Variants in ROBO2 observed in about 807,000 individuals in gnomAD.
ROBO2 encodes the protein roundabout guidance receptor 2, also known as roundabout homolog 2.
In ROBO2, 53 loss-of-function variants were observed where a neutral mutation model predicts 160.8. That is an observed-to-expected ratio of 0.33 (90% confidence interval 0.26 to 0.41). The LOEUF (loss-of-function observed/expected upper bound fraction) is 0.41, where lower values mean the gene tolerates loss of function less well. Among genes scored for constraint, ROBO2 ranks in the 10% least tolerant of loss-of-function variants. The pLI is 1.00. For missense variants in ROBO2, 1,577 were observed against 1,722.4 expected (o/e 0.92, Z 1.49); for synonymous variants, 664 against 611.7 (o/e 1.09, Z -1.26).
intron 2 of ROBO2, among the ~76,000 whole-genome samples, chr3:76,063,811 T>G (rs2068148805): frequency 6.6e-6 from 1 of 152,210 alleles, no homozygotes; most frequent in Admixed American, 6.5e-5. Context: ...ACCCTACCTT[T>G]AAGTGGAATT....
chr3:76,582,859 C>T (rs1479762171), intron 2 of ROBO2, among the ~76,000 whole-genome samples: 2 of 151,934 alleles, frequency 1.3e-5, no homozygotes, highest in Non-Finnish European at 2.9e-5. Context: ...AACATGTGAA[C>T]CTATTTTGAG....
chr3:77,507,984 T>G (rs1213668532), intron 5 of ROBO2, among the ~76,000 whole-genome samples: 2 of 151,976 alleles, frequency 1.3e-5, no homozygotes, highest in Non-Finnish European at 2.9e-5. Context: ...TGTTGCATAT[T>G]AAGGACAATA....
intron 2 of ROBO2, among the ~76,000 whole-genome samples, chr3:77,012,579 T>A (rs1193522206): frequency 2.0e-5 from 3 of 152,172 alleles, no homozygotes; most frequent in Non-Finnish European, 4.4e-5. Flanking sequence ...AGATAACCAC[T>A]GGGTAAGTTA....
chr3:77,559,226 A>G (rs2093237473), intron 9 of ROBO2, among the ~76,000 whole-genome samples: 1 of 152,070 alleles, frequency 6.6e-6, no homozygotes, highest in African/African-American at 2.4e-5. Flanking sequence ...CTTTTGCAAT[A>G]TTATATTGGC....
At chr3:77,524,082 G>T (rs1040041253) in intron 6 of ROBO2, among the ~76,000 whole-genome samples, 18 of 151,080 alleles carry the variant, frequency 1.2e-4, no homozygotes, top group African/African-American at 3.6e-4. Context: ...TAGGAGACAG[G>T]CATTTTGGGT....
At chr3:76,100,203 T>A (rs2069626909) in intron 2 of ROBO2, among the ~76,000 whole-genome samples, 1 of 152,234 alleles carries the variant, frequency 6.6e-6, no homozygotes, top group Non-Finnish European at 1.5e-5. Context: ...ACTGAAGGGA[T>A]TGTGCTTCTT....
chr3:76,436,159 A>AACACACACACACACACATAC, intron 2 of ROBO2, among the ~76,000 whole-genome samples: 1 of 140,522 alleles, frequency 7.1e-6, no homozygotes, highest in South Asian at 2.3e-4. Flanking sequence ...TTAAAAGGAA[A>AACACACACACACACACATAC]ACACACACAC....
chr3:76,916,368 G>T (rs987270142), intron 2 of ROBO2, among the ~76,000 whole-genome samples: 32 of 152,092 alleles, frequency 2.1e-4, no homozygotes, highest in Admixed American at 2.1e-3. Context: ...TGGAGACAGG[G>T]TCTTGCTCTG....
intron 1 of ROBO2, among the ~76,000 whole-genome samples, chr3:77,096,138 G>A (rs982586654): frequency 5.9e-5 from 9 of 152,022 alleles, no homozygotes; most frequent in African/African-American, 2.2e-4. Flanking sequence ...AGTGAACTGA[G>A]GTAACATTGA....
intron 2 of ROBO2, among the ~76,000 whole-genome samples, chr3:76,119,916 C>CCCTCCCTCCCTCCCTCCCTTCCTT (rs1377854643): frequency 4.4e-4 from 39 of 88,174 alleles, no homozygotes; most frequent in East Asian, 2.4e-3. Flanking sequence ...TTCCCTCCCT[C>CCCTCCCTCCCTCCCTCCCTTCCTT]CCTTCCTTCC....
At chr3:77,289,957 C>T (rs1380846637) in intron 2 of ROBO2, among the ~76,000 whole-genome samples, 8 of 151,700 alleles carry the variant, frequency 5.3e-5, no homozygotes, top group Non-Finnish European at 8.8e-5. Flanking sequence ...GGCTAGATCA[C>T]CCCAGACATT....
chr3:77,640,148 A>C (rs1373302741), intron 24 of ROBO2, among the ~76,000 whole-genome samples: 2 of 109,804 alleles, frequency 1.8e-5, no homozygotes, highest in Non-Finnish European at 3.3e-5. Flanking sequence ...GTCTCGCTCT[A>C]TCCGCCAGGC....
intron 2 of ROBO2, among the ~76,000 whole-genome samples, chr3:76,107,755 C>T: frequency 6.6e-6 from 1 of 152,030 alleles, no homozygotes; most frequent in East Asian, 1.9e-4. Flanking sequence ...TTTTATGATA[C>T]CTGGTCACTA....
intron 2 of ROBO2, among the ~76,000 whole-genome samples, chr3:76,574,177 A>G (rs1413901032): frequency 6.6e-6 from 1 of 152,148 alleles, no homozygotes; most frequent in African/African-American, 2.4e-5. Flanking sequence ...AAACTATGAA[A>G]TAAACCAATT....
intron 2 of ROBO2, among the ~76,000 whole-genome samples, chr3:76,680,984 C>A (rs932661208): frequency 3.3e-5 from 5 of 152,032 alleles, no homozygotes; most frequent in Admixed American, 3.3e-4. Flanking sequence ...AGTATGTTGC[C>A]CAGGCTGGTC....
Position 77,576,155 on chromosome 3 carries a change from G to T in ROBO2, c.2204-1335G>T, listed in dbSNP as rs1407247005. Among the ~76,000 whole-genome samples, 4 of 152,218 alleles carry T rather than the reference G, an allele frequency of 2.6e-5. No homozygotes were observed. In the East Asian group the frequency reaches 7.7e-4, roughly 29 times the overall value. On this transcript the variant is annotated intron_variant, in intron 14 of 25. Transcript: ENST00000461745. Reference sequence around the variant, plus strand: ...CTACTTAATAACTACAAGGCTCGTAGACAAGTGGTTGGATTTATTCATCAT... The same window carrying T: ...CTACTTAATAACTACAAGGCTCGTATACAAGTGGTTGGATTTATTCATCAT...
chr3:76,691,054 TA>T (rs1220808672), intron 2 of ROBO2, among the ~76,000 whole-genome samples: 1 of 151,700 alleles, frequency 6.6e-6, no homozygotes, highest in Non-Finnish European at 1.5e-5. Context: ...GAGTTCTGTC[TA>T]AAAAAAAGAA....
At chr3:77,350,170 A>C (rs1411353148) in intron 2 of ROBO2, among the ~76,000 whole-genome samples, 2 of 151,614 alleles carry the variant, frequency 1.3e-5, no homozygotes, top group African/African-American at 4.8e-5. Flanking sequence ...GCACTTTGGG[A>C]GACTGAGGCA....
chr3:76,893,668 G>T (rs962532931), intron 2 of ROBO2, among the ~76,000 whole-genome samples: 1 of 151,862 alleles, frequency 6.6e-6, no homozygotes, highest in Admixed American at 6.6e-5. Flanking sequence ...TATGTGTTAG[G>T]AACAATTCAA....
Sources: allele counts gnomAD v4.1 joint callset (sites outside exome capture counted in the v4.1 genomes callset), GRCh38; gene constraint gnomAD v4.1.1; transcripts MANE v1.5; gene names NCBI Gene and HGNC (gene_info 2026-07-23, HGNC 2026-07-21).